LANCL3: variants seen among roughly 807,000 people sequenced by gnomAD.
LANCL3 encodes LanC like family member 3.
Under a neutral mutation model 26.5 loss-of-function variants are expected in LANCL3, and 19 were observed. The observed-to-expected ratio is 0.72, with a 90% CI of 0.50 to 1.05. The LOEUF (loss-of-function observed/expected upper bound fraction) is 1.05. LANCL3 is among the 50% of genes least tolerant of loss of function. LANCL3 has a pLI of 0.00. For missense variants in LANCL3, 318 were observed against 362.7 expected, an observed-to-expected ratio of 0.88 and a Z score of 1.00; for synonymous variants, 160 against 166.6, an observed-to-expected ratio of 0.96 and a Z score of 0.30.
chrX:37,618,965 C>T (rs1286395430), intron 1 of LANCL3, among the ~76,000 whole-genome samples: 1 of 111,056 alleles, frequency 9.0e-6, no homozygotes, highest in Admixed American at 9.6e-5. Flanking sequence ...CTAAGGCCTT[C>T]TCCTCTCACT....
chrX:37,574,429 G>C (rs1201013567), intron 1 of LANCL3, among the ~76,000 whole-genome samples: 1 of 111,233 alleles, frequency 9.0e-6, no homozygotes, highest in Non-Finnish European at 1.9e-5. Context: ...AATTCCCTCA[G>C]TTATCGCTCT....
chrX:37,660,165 T>C (rs1330434683), intron 3 of LANCL3, among the ~76,000 whole-genome samples: 1 of 111,652 alleles, frequency 9.0e-6, no homozygotes, highest in East Asian at 2.8e-4. Flanking sequence ...AGTATCTACA[T>C]TGGATAGTGC....
intron 1 of LANCL3, among the ~76,000 whole-genome samples, chrX:37,582,292 A>G (rs1257073561): frequency 8.9e-6 from 1 of 111,890 alleles, no homozygotes; most frequent in Non-Finnish European, 1.9e-5. Context: ...CTCTGGGTGT[A>G]TACCCGGTAA....
At chrX:37,595,907 T>C (rs781904355) in intron 1 of LANCL3, among the ~76,000 whole-genome samples, 3 of 112,035 alleles carry the variant, frequency 2.7e-5, no homozygotes, top group Non-Finnish European at 3.8e-5. Flanking sequence ...TAAAGAAGAA[T>C]GGAGAGTAAT....
intron 1 of LANCL3, among the ~76,000 whole-genome samples, chrX:37,603,707 A>T (rs1369871405): frequency 1.8e-5 from 2 of 112,284 alleles, no homozygotes; most frequent in Non-Finnish European, 3.8e-5. Flanking sequence ...TTGAAAAATT[A>T]TTGAAATATC....
chrX:37,574,915 GTATATA>G (rs57888407), intron 1 of LANCL3, among the ~76,000 whole-genome samples: 1 of 102,235 alleles, frequency 9.8e-6, no homozygotes, highest in Non-Finnish European at 2.0e-5. Context: ...GTGTGTGTAT[GTATATA>G]TATATATATA....
Position 37,627,392 on chromosome X carries a change from G to T in LANCL3, c.574-28296G>T, listed in dbSNP as rs953804144. Among the ~76,000 whole-genome samples the T allele has an allele frequency of 8.1e-5, 9 of 111,251 alleles. No individual in the cohort carries two copies. The East Asian group carries it at 2.6e-3, about 32-fold the overall frequency. ...GAATAGAGGAGAATCTCACAGTAAT[G>T]CTGACTCCAGGGTATGTGAGGTAGT... On this transcript the variant is annotated intron_variant, in intron 1 of 4. Transcript: ENST00000378619.
chrX:37,573,059 T>C lies in LANCL3; in HGVS notation c.573+616T>C, dbSNP rs1275073836. On this transcript the variant is annotated intron_variant, in intron 1 of 4. Transcript: ENST00000378619. ...TACCCGGAAATGTACCCCATTGTGGTTGAATGTGCATTATTTCACTTAAAA... is the reference window on the plus strand; with the variant it reads ...TACCCGGAAATGTACCCCATTGTGGCTGAATGTGCATTATTTCACTTAAAA... 1.2e-4 allele frequency among the ~76,000 whole-genome samples: 13 copies of C among 112,786 alleles called. 1 individual carries two copies. The highest frequency in any genetic ancestry group is 3.9e-4 in the African/African-American group (12 of 31,004).
chrX:37,648,362 C>G lies in LANCL3; in HGVS notation c.574-7326C>G, dbSNP rs781815960. ...CTTCTCAAACTTTCATGGGCATATG[C>G]TACCATCTGGTGATCTTTTTAAAAT... On this transcript the variant is annotated intron_variant, in intron 1 of 4. Coordinates refer to ENST00000378619, the MANE Select transcript of LANCL3 (RefSeq NM_001170331.2). Among the ~76,000 whole-genome samples, 6 of 112,044 alleles carry G rather than the reference C, an allele frequency of 5.4e-5. No homozygotes were observed. The South Asian group carries it at 2.2e-3, about 42-fold the overall frequency.
At chrX:37,591,730 T>TG (rs112825811) in intron 1 of LANCL3, among the ~76,000 whole-genome samples, 23 of 104,654 alleles carry the variant, frequency 2.2e-4, no homozygotes, top group South Asian at 2.1e-3. Context: ...CAGCTGGTGG[T>TG]GGGGGGGGTA....
At position 37,619,832 on chromosome X, in the gene LANCL3, G is replaced by A. The variant is rs1396797647; in HGVS notation, c.574-35856G>A. Among the ~76,000 whole-genome samples, 6 of 111,629 alleles carry A rather than the reference G, an allele frequency of 5.4e-5. No individual in the cohort carries two copies. The East Asian group carries it at 1.1e-3, about 21-fold the overall frequency. On this transcript the variant is annotated intron_variant, in intron 1 of 4. Transcript: ENST00000378619. ...TTTCCTGGAAATGGAAAACAGCTGCGCAGAGCCTTCATTCAACCCTCTACT... is the reference window on the plus strand; with the variant it reads ...TTTCCTGGAAATGGAAAACAGCTGCACAGAGCCTTCATTCAACCCTCTACT...
At position 37,595,813 on chromosome X, in the gene LANCL3, T is replaced by C. The variant is rs552846980; in HGVS notation, c.573+23370T>C. 3.1e-3 allele frequency among the ~76,000 whole-genome samples: 351 copies of C among 112,396 alleles called. 1 individual carries two copies. The highest frequency in any genetic ancestry group is 0.013 in the South Asian group (35 of 2,717). ...AAAGCTTGCATTCACTCTTGATAAA[T>C]TGAACATTGACTAGCTATGCACTTT... On this transcript the variant is annotated intron_variant, in intron 1 of 4. Coordinates refer to ENST00000378619, the MANE Select transcript of LANCL3 (RefSeq NM_001170331.2).
At chrX:37,608,798 A>G (rs1036652028) in intron 1 of LANCL3, among the ~76,000 whole-genome samples, 2 of 112,227 alleles carry the variant, frequency 1.8e-5, no homozygotes, top group Non-Finnish European at 3.8e-5. Flanking sequence ...ATAGGAAAAA[A>G]GAGAACCAGA....
intron 1 of LANCL3, among the ~76,000 whole-genome samples, chrX:37,608,920 T>A (rs2146733386): frequency 8.9e-6 from 1 of 112,411 alleles, no homozygotes; most frequent in South Asian, 3.7e-4. Flanking sequence ...TTAACAAATT[T>A]ATTGTCAGAA....
chrX:37,587,519 C>T (rs1447313675), intron 1 of LANCL3, among the ~76,000 whole-genome samples: 5 of 112,809 alleles, frequency 4.4e-5, no homozygotes, highest in African/African-American at 1.6e-4. Flanking sequence ...CCCAGCCTTG[C>T]TGCTGCCGTG....
intron 1 of LANCL3, among the ~76,000 whole-genome samples, chrX:37,584,254 A>G (rs1451044577): frequency 9.1e-6 from 1 of 109,419 alleles, no homozygotes; most frequent in Non-Finnish European, 1.9e-5. Context: ...CTCGATGTTC[A>G]TCAGGGATAT....
chrX:37,613,562 G>C (rs1924935250), intron 1 of LANCL3, among the ~76,000 whole-genome samples: 1 of 111,537 alleles, frequency 9.0e-6, no homozygotes, highest in Non-Finnish European at 1.9e-5. Flanking sequence ...GCCCATACAG[G>C]ACCTCCTCCA....
chrX:37,632,904 A>G (rs1556424793), intron 1 of LANCL3, among the ~76,000 whole-genome samples: 2 of 110,622 alleles, frequency 1.8e-5, no homozygotes, highest in East Asian at 2.8e-4. Flanking sequence ...CTTCATTTCA[A>G]CTTTGGTGAA....
intron 1 of LANCL3, among the ~76,000 whole-genome samples, chrX:37,605,514 C>T (rs1033957064): frequency 2.7e-5 from 3 of 111,498 alleles, no homozygotes; most frequent in African/African-American, 9.8e-5. Flanking sequence ...TCTTATTATC[C>T]TCATGATGGC....
Sources: allele counts gnomAD v4.1 joint callset (sites outside exome capture counted in the v4.1 genomes callset), GRCh38; gene constraint gnomAD v4.1.1; transcripts MANE v1.5; gene names NCBI Gene and HGNC (gene_info 2026-07-23, HGNC 2026-07-21).